The following MTMR10 variants were observed in gnomAD, a reference collection of about 807,000 sequenced individuals.
The protein encoded by MTMR10 is myotubularin related protein 10.
A neutral mutation model predicts 88.1 loss-of-function variants in MTMR10; 56 were observed. The ratio of observed to expected loss-of-function variants is 0.64; its 90% confidence interval spans 0.51 to 0.79. The LOEUF is 0.79. MTMR10 is among the 30% of genes least tolerant of loss of function. The probability of loss-of-function intolerance (pLI) is 0.00; values close to 1 mark genes in which losing one functional copy is unlikely to be tolerated. For synonymous variants in MTMR10, 380 were observed against 340.9 expected, an observed-to-expected ratio of 1.11 and a Z score of -1.26; for missense variants, 883 against 924.7, an observed-to-expected ratio of 0.95 and a Z score of 0.58.
Position 30,939,005 on chromosome 15 carries a change from C to T in MTMR10, c.*2465G>A. On this transcript the variant is annotated 3_prime_UTR_variant, in exon 16 of 16. Transcript: ENST00000435680. ...CTTCACATTCAATACTGTTGAACAA[C>T]AAGATAACACATCTTCTTGCTCATC... 5.1e-6 allele frequency: 5 copies of T among 985,196 alleles called. No individual in the cohort carries two copies. Among genetic ancestry groups the T allele is most frequent in the Non-Finnish European group, 2.4e-6 (2 of 829,732 alleles). 61.0% of individuals were successfully genotyped at this position (985,196 alleles called of 1,614,324 possible).
chr15:30,922,535 G>A, the MTMR10 span, among the ~76,000 whole-genome samples: 1 of 152,178 alleles, frequency 6.6e-6, no homozygotes, highest in African/African-American at 2.4e-5. Flanking sequence ...AGCACAGCAT[G>A]AGCATAGAGA....
chr15:30,920,730 C>T, the MTMR10 span: 8 of 811,412 alleles, frequency 9.9e-6, no homozygotes, highest in South Asian at 1.7e-5. Flanking sequence ...CTGTCGGGCT[C>T]TCAGCATTTC....
intron 12 of MTMR10, among the ~76,000 whole-genome samples, chr15:30,951,741 C>G (rs967920664): frequency 6.6e-6 from 1 of 152,164 alleles, no homozygotes; most frequent in Non-Finnish European, 1.5e-5. Context: ...CTCAAGTGAT[C>G]CGCCCGCCTC....
chr15:30,977,590 A>C (rs565601151), intron 2 of MTMR10, among the ~76,000 whole-genome samples: 11 of 151,776 alleles, frequency 7.2e-5, no homozygotes, highest in African/African-American at 2.7e-4. Flanking sequence ...AATTTATTTA[A>C]AGCTTGGTCA....
At chr15:30,955,483 G>C (rs2063312061) in intron 9 of MTMR10, among the ~76,000 whole-genome samples, 1 of 152,258 alleles carries the variant, frequency 6.6e-6, no homozygotes, top group East Asian at 1.9e-4. Flanking sequence ...TGTTGGCCAG[G>C]CTGGTCTCAA....
Position 30,941,204 on chromosome 15 carries a change from A to G in MTMR10, c.*266T>C. ...TGGTAGGAAAAATGGATGGAGACAA[A>G]AATGTAGCAGACAACATGAACAGTT... On this transcript the variant is annotated 3_prime_UTR_variant, in exon 16 of 16. Coordinates refer to ENST00000435680, the MANE Select transcript of MTMR10 (RefSeq NM_017762.3). 1 of 1,368,334 alleles carries G rather than the reference A, an allele frequency of 7.3e-7. No individual in the cohort carries two copies. The highest frequency in any genetic ancestry group is 9.6e-7 in the Non-Finnish European group (1 of 1,041,120). 84.8% of individuals were successfully genotyped at this position (1,368,334 alleles called of 1,614,324 possible).
chr15:30,948,053 G>T (rs2063196100), intron 13 of MTMR10, among the ~76,000 whole-genome samples: 1 of 152,110 alleles, frequency 6.6e-6, no homozygotes, highest in African/African-American at 2.4e-5. Flanking sequence ...ATTTTATTCA[G>T]AATTTTTTCA....
the MTMR10 span, chr15:30,928,123 G>T: frequency 1.0e-6 from 1 of 1,004,522 alleles, no homozygotes; most frequent in Non-Finnish European, 1.2e-6. Context: ...CCTTAGGGAA[G>T]CATTTCTTCA....
rs757740199 is a variant in MTMR10 at position 30,948,415 on chromosome 15, C to G, written c.1264G>C (p.Asp422His). The G allele has an allele frequency of 6.2e-7, 1 of 1,613,040 alleles. No homozygotes were observed. The highest frequency in any genetic ancestry group is 8.5e-7 in the Non-Finnish European group (1 of 1,179,420). Residue 422 changes from aspartate to histidine, a missense_variant, in exon 13 of 16, where the codon GAT (aspartate) becomes CAT (histidine). Asp to His is a moderately conservative substitution (Grantham distance 81). This residue lies in a region of MTMR10 where 126 missense variants were observed against 178.2 expected (regional missense o/e 0.71). Coordinates refer to ENST00000435680, the MANE Select transcript of MTMR10 (RefSeq NM_017762.3). ...CCAGTAATTGTCCTAAAATAGGGAT[C>G]CAGCATCACTTGAACAAGAGAAGCT... is the stretch of plus-strand genomic sequence containing the variant. ...CVASLVQVML[D>H]PYFRTITGFQ...
chr15:30,946,430 G>C (rs1210141313), intron 14 of MTMR10: 2 of 300,584 alleles, frequency 6.7e-6, no homozygotes, highest in African/African-American at 2.1e-5. Context: ...CCCAGACCAG[G>C]GCCAGAACTC....
At chr15:30,991,213 GGAC>G (rs1471353358) in intron 1 of MTMR10, 1 of 484,118 alleles carries the variant, frequency 2.1e-6, no homozygotes, top group Non-Finnish European at 3.5e-6. Flanking sequence ...GCAAAACTAC[GGAC>G]GACAGAACTT....
At chr15:30,982,490 A>T (rs1020157373) in intron 2 of MTMR10, among the ~76,000 whole-genome samples, 2 of 152,180 alleles carry the variant, frequency 1.3e-5, no homozygotes, top group African/African-American at 4.8e-5. Context: ...CAACAGCCAA[A>T]AAAAAGAAAA....
chr15:30,965,493 A>G (rs1364553949), intron 6 of MTMR10, among the ~76,000 whole-genome samples: 1 of 152,228 alleles, frequency 6.6e-6, no homozygotes, highest in Non-Finnish European at 1.5e-5. Context: ...CAATTCTATA[A>G]GAAAGATGAA....
chr15:30,928,651 T>A, the MTMR10 span: 8 of 1,614,042 alleles, frequency 5.0e-6, no homozygotes, highest in Non-Finnish European at 6.8e-6. Flanking sequence ...CAGAAACGCC[T>A]GTCAGGTACT....
chr15:30,986,032 G>C (rs916543798), intron 2 of MTMR10, among the ~76,000 whole-genome samples: 1 of 152,122 alleles, frequency 6.6e-6, no homozygotes, highest in Non-Finnish European at 1.5e-5. Context: ...GATGGTGGAA[G>C]GGGGCTGGGT....
At chr15:30,982,219 C>A (rs1328691387) in intron 2 of MTMR10, among the ~76,000 whole-genome samples, 1 of 152,096 alleles carries the variant, frequency 6.6e-6, no homozygotes, top group Non-Finnish European at 1.5e-5. Flanking sequence ...TATGTAGTAT[C>A]CTGGATGTGA....
At chr15:30,960,795 A>G in intron 7 of MTMR10, 86 bp downstream of exon 7, 1 of 1,356,704 alleles carries the variant, frequency 7.4e-7, no homozygotes, top group Non-Finnish European at 9.6e-7. Flanking sequence ...CCACAACTTG[A>G]AAGTCATCAA....
chr15:30,965,351 T>C (rs1032707656), intron 6 of MTMR10, among the ~76,000 whole-genome samples: 1 of 152,240 alleles, frequency 6.6e-6, no homozygotes, highest in Non-Finnish European at 1.5e-5. Flanking sequence ...TGAAATTTCA[T>C]TACAACTTCA....
At chr15:30,949,874 T>C (rs1385284634) in intron 12 of MTMR10, 1 of 152,190 alleles carries the variant, frequency 6.6e-6, no homozygotes, top group East Asian at 1.9e-4. Flanking sequence ...AAAGGCCACA[T>C]ATTGTATGAT....
Sources: gnomAD v4.1 joint callset for allele counts (sites outside exome capture counted in the v4.1 genomes callset) on GRCh38, gnomAD v4.1.1 for gene constraint, gnomAD v4.1.1 regional missense constraint, MANE v1.5 for transcripts, NCBI Gene and HGNC (gene_info 2026-07-23, HGNC 2026-07-21) for gene names.